The following GLS variants were observed in gnomAD, a reference collection of about 807,000 sequenced individuals.
GLS encodes glutaminase kidney isoform, mitochondrial.
A neutral mutation model predicts 86.7 loss-of-function variants in GLS; 36 were observed. That is an observed-to-expected ratio of 0.42 (90% CI 0.32 to 0.55). The LOEUF (loss-of-function observed/expected upper bound fraction) is 0.55. GLS is among the 20% of genes least tolerant of loss of function. The probability of loss-of-function intolerance (pLI) is 0.17; values close to 1 mark genes in which losing one functional copy is unlikely to be tolerated. For synonymous variants in GLS, 317 were observed against 305.9 expected, an observed-to-expected ratio of 1.04 and a Z score of -0.38; for missense variants, 528 against 833.4, an observed-to-expected ratio of 0.63 and a Z score of 4.51.
chr2:190,928,531 T>C lies in GLS; in HGVS notation c.1425+1049T>C, dbSNP rs570396099. Among the ~76,000 whole-genome samples the C allele has an allele frequency of 2.0e-5, 3 of 151,726 alleles. No homozygotes were observed. In the South Asian group the frequency reaches 6.3e-4, roughly 32 times the overall value. On this transcript the variant is annotated intron_variant, in intron 12 of 17. Coordinates refer to ENST00000320717, the MANE Select transcript of GLS (RefSeq NM_014905.5). Reference sequence around the variant, plus strand: ...TGTATTTTTAGTAGAGATGGGGTTTTGCCATGTTGGCCAGGCTGTTCTCGA... The same window carrying C: ...TGTATTTTTAGTAGAGATGGGGTTTCGCCATGTTGGCCAGGCTGTTCTCGA...
Position 190,949,851 on chromosome 2 carries a change from G to A in GLS, c.1651-3714G>A, listed in dbSNP as rs1690672408. Among the ~76,000 whole-genome samples, 2 of 151,494 alleles carry A rather than the reference G, an allele frequency of 1.3e-5. No homozygotes were observed. Among genetic ancestry groups the A allele is most frequent in the South Asian group, 4.2e-4 (2 of 4,814 alleles). ...GTGATAGACACTGAGTTTACGGTGG[G>A]GAACAGAAAGACAAGTGGTCTCTGC... is the stretch of plus-strand genomic sequence containing the variant. On this transcript the variant is annotated intron_variant, in intron 14 of 17. Coordinates refer to ENST00000320717, the MANE Select transcript of GLS (RefSeq NM_014905.5). The surrounding 1 kb of genome is among the most constrained non-coding windows in gnomAD (Gnocchi z 4.0).
intron 7 of GLS, among the ~76,000 whole-genome samples, chr2:190,918,346 T>C (rs547320544): frequency 2.0e-5 from 3 of 152,212 alleles, no homozygotes; most frequent in African/African-American, 4.8e-5. Context: ...TTTTATGTTA[T>C]GGAGACGGCT....
rs11368612 is a variant in GLS at position 190,891,031 on chromosome 2, A to ATTT, written c.387-4113_387-4111dup. ...GTTCATTTTGTAGTTCTTAGTAAGG[A>ATTT]TTTTTTTTTTATTTTCTTCCTTTCA... On this transcript the variant is annotated intron_variant, in intron 1 of 17. Coordinates refer to ENST00000320717, the MANE Select transcript of GLS (RefSeq NM_014905.5). Among the ~76,000 whole-genome samples, 895 of 149,748 alleles carry ATTT rather than the reference A, an allele frequency of 6.0e-3. 21 individuals carry two copies. The highest frequency in any genetic ancestry group is 0.059 in the East Asian group (303 of 5,138).
intron 7 of GLS, among the ~76,000 whole-genome samples, chr2:190,916,787 G>A (rs1174098254): frequency 6.6e-6 from 1 of 151,904 alleles, no homozygotes. Flanking sequence ...CAATTTTTTC[G>A]TTAACCAATG....
chr2:190,892,159 ATTAAGAAATTATTTTT>A (rs1374019873), intron 1 of GLS, among the ~76,000 whole-genome samples: 1 of 152,142 alleles, frequency 6.6e-6, no homozygotes, highest in East Asian at 1.9e-4. Flanking sequence ...CTTCTTTTTC[ATTAAGAAATTATTTTT>A]TAAGACAGTT....
In GLS at chr2:190,964,842, G is replaced by A. The variant is rs547454699; in HGVS notation, c.*1856G>A. The A allele has an allele frequency of 6.6e-6, 1 of 152,312 alleles. No individual in the cohort carries two copies. The highest frequency in any genetic ancestry group is 1.9e-4 in the East Asian group (1 of 5,194). The allele number at this position is 152,312 out of a possible 1,614,324, so 9.4% of individuals were successfully genotyped here. A position where few individuals can be genotyped will look rare whatever the true frequency, so the allele number is the denominator to read the frequency against. On this transcript the variant is annotated 3_prime_UTR_variant, in exon 18 of 18. Transcript: ENST00000320717. This position sits in a 1 kb window ranked among gnomAD's most constrained non-coding sequence, Gnocchi z 5.2. Reference sequence around the variant, plus strand: ...GCAGCCCGCTTTGTGTGACTAAAATGAAACAAGACAGTTGAATTGTGTGAC... The same window carrying A: ...GCAGCCCGCTTTGTGTGACTAAAATAAAACAAGACAGTTGAATTGTGTGAC...
In GLS at chr2:190,954,890, A is replaced by C; in HGVS notation, c.1853+72A>C. ...AGGACTGTAATATTCAAGTGATGAT[A>C]ATATTTCAACCTACTAAGACATTCT... On this transcript the variant is annotated intron_variant, in intron 17 of 17. Coordinates refer to ENST00000320717, the MANE Select transcript of GLS (RefSeq NM_014905.5). This position sits in a 1 kb window ranked among gnomAD's most constrained non-coding sequence, Gnocchi z 4.0. The C allele has an allele frequency of 9.6e-7, 1 of 1,036,532 alleles. No homozygotes were observed. The highest frequency in any genetic ancestry group is 1.6e-5 in the South Asian group (1 of 64,232). The allele number at this position is 1,036,532 out of a possible 1,614,324, so 64.2% of individuals were successfully genotyped here.
rs531041647 is a variant in GLS at position 190,924,628 on chromosome 2, A to G, written c.1248+35A>G. 4 of 1,191,302 alleles carry G rather than the reference A, an allele frequency of 3.4e-6. No individual in the cohort carries two copies. Among genetic ancestry groups the G allele is most frequent in the Non-Finnish European group, 5.0e-6 (4 of 795,158 alleles). 73.8% of individuals were successfully genotyped at this position (1,191,302 alleles called of 1,614,324 possible). ...TTATGTAAATCGTATATATAAATGG[A>G]TGTGTCGGCTGGGCACGGTGGCTCA... On this transcript the variant is annotated intron_variant, in intron 11 of 17. Transcript: ENST00000320717. The surrounding 1 kb of genome is among the most constrained non-coding windows in gnomAD (Gnocchi z 5.2).
Position 190,935,145 on chromosome 2 carries a change from C to A in GLS, c.1650+3508C>A. The A allele has an allele frequency of 1.1e-6, 1 of 928,936 alleles. No individual in the cohort carries two copies. The highest frequency in any genetic ancestry group is 1.3e-6 in the Non-Finnish European group (1 of 778,686). The allele number at this position is 928,936 out of a possible 1,614,324, so 57.5% of individuals were successfully genotyped here. On this transcript the variant is annotated intron_variant, in intron 14 of 17. Transcript: ENST00000320717. The surrounding 1 kb of genome is among the most constrained non-coding windows in gnomAD (Gnocchi z 4.2). ...TGTTCTTGAAGTACTTTGTTTTTAGCATAAATGTTGTGCATTTTATCTTAG... is the reference window on the plus strand; with the variant it reads ...TGTTCTTGAAGTACTTTGTTTTTAGAATAAATGTTGTGCATTTTATCTTAG...
In GLS at chr2:190,924,434, TATTA is replaced by T. The variant is rs1056034088; in HGVS notation, c.1198-103_1198-100del. On this transcript the variant is annotated intron_variant, in intron 10 of 17. Transcript: ENST00000320717. The surrounding 1 kb of genome is among the most constrained non-coding windows in gnomAD (Gnocchi z 5.2). Reference sequence around the variant, plus strand: ...CTCTTTTAGAAGTTACATGCTATTTTATTAATTAAAATGAAACACTTGTGTACAT... The same window carrying T: ...CTCTTTTAGAAGTTACATGCTATTTTATTAAAATGAAACACTTGTGTACAT... The T allele has an allele frequency of 3.1e-5, 22 of 704,674 alleles. No individual in the cohort carries two copies. Among genetic ancestry groups the T allele is most frequent in the African/African-American group, 1.6e-4 (9 of 55,716 alleles). The allele number at this position is 704,674 out of a possible 1,614,324, so 43.7% of individuals were successfully genotyped here.
At position 190,880,904 on chromosome 2, in the gene GLS, CAGCAGCAGCAG is replaced by C; in HGVS notation, c.-180_-170del. 2.1e-6 allele frequency: 2 copies of C among 934,624 alleles called. No individual in the cohort carries two copies. The highest frequency in any genetic ancestry group is 2.9e-5 in the East Asian group (1 of 34,512). The allele number at this position is 934,624 out of a possible 1,614,324, so 57.9% of individuals were successfully genotyped here. A position where few individuals can be genotyped will look rare whatever the true frequency, so the allele number is the denominator to read the frequency against. ...GCAGCAGCAGCAGCAGCAGCAGCAGCAGCAGCAGCAGCAGCACCCGCATCCGCTGCGGGAGT... is the reference window on the plus strand; with the variant it reads ...GCAGCAGCAGCAGCAGCAGCAGCAGCCAGCACCCGCATCCGCTGCGGGAGT... On this transcript the variant is annotated 5_prime_UTR_variant, in exon 1 of 18. Coordinates refer to ENST00000320717, the MANE Select transcript of GLS (RefSeq NM_014905.5).
intron 14 of GLS, among the ~76,000 whole-genome samples, chr2:190,948,535 A>G (rs1317661859): frequency 1.3e-5 from 2 of 152,240 alleles, no homozygotes; most frequent in Non-Finnish European, 2.9e-5. Flanking sequence ...AAAATTTTAA[A>G]GGGGAATGTG....
At chr2:190,898,864 G>T (rs1488473459) in intron 3 of GLS, among the ~76,000 whole-genome samples, 1 of 152,192 alleles carries the variant, frequency 6.6e-6, no homozygotes, top group East Asian at 1.9e-4. Context: ...CTGACCTCAG[G>T]TGATCTGCCT....
rs1311311660 is a variant in GLS, at chr2:190,930,162, G to A, written c.1426-275G>A. On this transcript the variant is annotated intron_variant, in intron 12 of 17. Coordinates refer to ENST00000320717, the MANE Select transcript of GLS (RefSeq NM_014905.5). This position sits in a 1 kb window ranked among gnomAD's most constrained non-coding sequence, Gnocchi z 5.0. ...GCTCACTGTAGCCTTGACCTCCTGA[G>A]GTCATGTAATCCTCCCACATCATCC... 2.0e-5 allele frequency among the ~76,000 whole-genome samples: 3 copies of A among 151,740 alleles called. No homozygotes were observed. The highest frequency in any genetic ancestry group is 7.3e-5 in the African/African-American group (3 of 41,270).
intron 1 of GLS, among the ~76,000 whole-genome samples, chr2:190,886,456 C>A (rs1688381205): frequency 1.3e-5 from 2 of 152,248 alleles, no homozygotes; most frequent in African/African-American, 4.8e-5. Flanking sequence ...TCAAAGTCAG[C>A]TAATCCATGA....
Position 190,953,160 on chromosome 2 carries a change from C to T in GLS, c.1651-405C>T, listed in dbSNP as rs1337466844. 1.3e-5 allele frequency among the ~76,000 whole-genome samples: 2 copies of T among 152,172 alleles called. No individual in the cohort carries two copies. The highest frequency in any genetic ancestry group is 2.9e-5 in the Non-Finnish European group (2 of 68,036). ...ATAGTGATTCTTGGCAGGGATTAGA[C>T]ATTTATATAGCATGATTTAATTTTT... is the stretch of plus-strand genomic sequence containing the variant. On this transcript the variant is annotated intron_variant, in intron 14 of 17. Coordinates refer to ENST00000320717, the MANE Select transcript of GLS (RefSeq NM_014905.5). This position sits in a 1 kb window ranked among gnomAD's most constrained non-coding sequence, Gnocchi z 4.0.
At chr2:190,944,313 A>C (rs1690527540) in intron 14 of GLS, among the ~76,000 whole-genome samples, 1 of 151,962 alleles carries the variant, frequency 6.6e-6, no homozygotes, top group South Asian at 2.1e-4. Flanking sequence ...TAAATATAGC[A>C]CTTTATCATT....
chr2:190,932,638 G>GA, intron 14 of GLS: 1 of 1,135,604 alleles, frequency 8.8e-7, no homozygotes, highest in Non-Finnish European at 1.2e-6. Context: ...AATGCTCATT[G>GA]AAAAATACCA....
chr2:190,905,108 G>T lies in GLS; in HGVS notation c.920G>T (p.Arg307Leu), dbSNP rs776928429. ...GATCTTGGAACTGAATATGTGCATC[G>T]ATATGTTGGAAAAGAGCCGAGTGGA... ...VNDLGTEYVHRYVGKEPSGLR... is the reference protein window; with the variant it reads ...VNDLGTEYVHLYVGKEPSGLR... The change falls in exon 6 of 18, where the codon CGA (arginine) becomes CTA (leucine). Residue 307 changes from arginine (R) to leucine (L), a missense_variant. Physicochemically the swap from Arg to Leu is moderately radical, Grantham distance 102. Transcript: ENST00000320717. This position sits in a 1 kb window ranked among gnomAD's most constrained non-coding sequence, Gnocchi z 4.6. 2.5e-6 allele frequency: 4 copies of T among 1,604,662 alleles called. No individual in the cohort carries two copies. The South Asian group carries it at 4.4e-5, about 18-fold the overall frequency.
Sources: gnomAD v4.1 joint callset for allele counts (sites outside exome capture counted in the v4.1 genomes callset) on GRCh38, gnomAD v4.1.1 for gene constraint, Gnocchi (gnomAD v3.1) non-coding constraint, MANE v1.5 for transcripts, NCBI Gene and HGNC (gene_info 2026-07-23, HGNC 2026-07-21) for gene names.